The following GRIN2A variants were observed in gnomAD, a reference collection of about 807,000 sequenced individuals.
The protein encoded by GRIN2A is glutamate receptor ionotropic, NMDA 2A.
Under a neutral mutation model 113.4 loss-of-function variants are expected in GRIN2A, and 22 were observed. The observed-to-expected ratio is 0.19, with a 90% CI of 0.14 to 0.28. GRIN2A has a LOEUF of 0.28. Among genes scored for constraint, GRIN2A ranks in the 10% least tolerant of loss-of-function variants. The pLI, the probability that GRIN2A is intolerant of heterozygous loss-of-function variation, is 1.00. For synonymous variants in GRIN2A, 827 were observed against 738.4 expected (o/e 1.12, Z -1.94); for missense variants, 1,502 against 1,887.0 (o/e 0.80, Z 3.78).
chr16:9,980,637 C>G lies in GRIN2A; in HGVS notation c.415-42086G>C, dbSNP rs1017227736. Among the ~76,000 whole-genome samples the G allele has an allele frequency of 3.3e-5, 5 of 152,156 alleles. No homozygotes were observed. In the South Asian group the frequency reaches 1.0e-3, roughly 32 times the overall value. On this transcript the variant is annotated intron_variant, in intron 2 of 12. Transcript: ENST00000330684. ...ATTAAGAAAATGTGGCACATATACA[C>G]CATGGAATACTATGCAGCCATAAAA...
At chr16:10,078,784 AC>A (rs879717002) in intron 2 of GRIN2A, among the ~76,000 whole-genome samples, 3 of 151,818 alleles carry the variant, frequency 2.0e-5, no homozygotes, top group Non-Finnish European at 4.4e-5. Flanking sequence ...TGTCACCACT[AC>A]CCCCTCCGAA....
At chr16:9,781,659 G>C (rs1314232884) in intron 11 of GRIN2A, among the ~76,000 whole-genome samples, 1 of 151,914 alleles carries the variant, frequency 6.6e-6, no homozygotes, top group African/African-American at 2.4e-5. Context: ...CTGCACCCAG[G>C]GTTAACAAAC....
At chr16:9,813,223 C>G (rs2042120006) in intron 10 of GRIN2A, among the ~76,000 whole-genome samples, 1 of 152,166 alleles carries the variant, frequency 6.6e-6, no homozygotes. Flanking sequence ...TCACCTGGTC[C>G]TTAAATGTGG....
At chr16:10,000,687 TC>T (rs2046305186) in intron 2 of GRIN2A, among the ~76,000 whole-genome samples, 1 of 152,190 alleles carries the variant, frequency 6.6e-6, no homozygotes, top group Non-Finnish European at 1.5e-5. Context: ...CAAAGATTCT[TC>T]CCTATCCATC....
intron 2 of GRIN2A, among the ~76,000 whole-genome samples, chr16:10,116,673 G>A (rs1047491563): frequency 6.6e-6 from 1 of 152,118 alleles, no homozygotes; most frequent in African/African-American, 2.4e-5. Context: ...CAGCAGCAGG[G>A]AAATTCATGG....
At chr16:10,030,197 AT>A (rs1219770269) in intron 2 of GRIN2A, among the ~76,000 whole-genome samples, 1 of 150,828 alleles carries the variant, frequency 6.6e-6, no homozygotes, top group African/African-American at 2.4e-5. Context: ...TTAAAAAAAA[AT>A]CATTAAATGT....
At chr16:9,896,686 A>T (rs2043814117) in intron 3 of GRIN2A, among the ~76,000 whole-genome samples, 1 of 152,158 alleles carries the variant, frequency 6.6e-6, no homozygotes, top group African/African-American at 2.4e-5. Flanking sequence ...GAGGGGGGAA[A>T]AAAAAACCTC....
chr16:9,924,124 A>C (rs976993371), intron 3 of GRIN2A, among the ~76,000 whole-genome samples: 24 of 151,084 alleles, frequency 1.6e-4, no homozygotes, highest in African/African-American at 5.1e-4. Flanking sequence ...AAAAAAAAAA[A>C]AAAAAAAAAA....
At chr16:9,995,869 T>C (rs752035351) in intron 2 of GRIN2A, among the ~76,000 whole-genome samples, 1 of 151,448 alleles carries the variant, frequency 6.6e-6, no homozygotes, top group South Asian at 2.1e-4. Context: ...GGATCATCAA[T>C]GAGTCTAAGA....
intron 2 of GRIN2A, 22 bp downstream of exon 2, chr16:10,179,975 AG>A (rs2050226336): frequency 2.6e-6 from 4 of 1,552,422 alleles, no homozygotes; most frequent in Non-Finnish European, 3.5e-6. Flanking sequence ...AGGTCCTGGC[AG>A]GGCATCAGTT....
intron 2 of GRIN2A, among the ~76,000 whole-genome samples, chr16:10,162,931 G>A (rs991153494): frequency 5.9e-5 from 9 of 152,200 alleles, no homozygotes; most frequent in African/African-American, 1.9e-4. Context: ...GACTCTACAA[G>A]TAAACTAAGC....
intron 4 of GRIN2A, among the ~76,000 whole-genome samples, chr16:9,870,627 TC>T (rs1406827475): frequency 6.6e-6 from 1 of 151,006 alleles, no homozygotes; most frequent in East Asian, 1.9e-4. Context: ...TAACTTTTTT[TC>T]TTTTTTTTTT....
Position 9,763,581 on chromosome 16 carries a change from C to G in GRIN2A, c.3963G>C (p.Glu1321Asp), listed in dbSNP as rs2141127998. 1 of 1,613,840 alleles carries G rather than the reference C, an allele frequency of 6.2e-7. No individual in the cohort carries two copies. The highest frequency in any genetic ancestry group is 8.5e-7 in the Non-Finnish European group (1 of 1,180,004). ...TAAACAGGCTGCCGTAAAAATTTCC[C>G]TCCAGAAGCCGTTCCCTGTCCTTGA... ...ISLKDRERLLEGNFYGSLFSV... is the reference protein window; with the variant it reads ...ISLKDRERLLDGNFYGSLFSV... Residue 1321 changes from glutamate (E) to aspartate (D), a missense_variant, in exon 13 of 13, where the codon GAG (glutamate) becomes GAC (aspartate). Glu to Asp is a conservative substitution (Grantham distance 45). This residue lies in a region of GRIN2A where 832 missense variants were observed against 789.7 expected (regional missense o/e 1.05). Transcript: ENST00000330684.
chr16:9,798,771 G>T (rs1903166299), intron 10 of GRIN2A, among the ~76,000 whole-genome samples: 1 of 152,224 alleles, frequency 6.6e-6, no homozygotes. Flanking sequence ...AGTGGTGGAG[G>T]ACAGTGCCCT....
At chr16:9,979,572 A>C (rs527720388) in intron 2 of GRIN2A, among the ~76,000 whole-genome samples, 9 of 151,806 alleles carry the variant, frequency 5.9e-5, no homozygotes, top group East Asian at 1.9e-4. Flanking sequence ...TCTGCTTATT[A>C]CCTCCCCCAT....
intron 4 of GRIN2A, among the ~76,000 whole-genome samples, chr16:9,859,543 G>A (rs9927584): frequency 0.044 from 6,656 of 149,782 alleles, 473 homozygotes; most frequent in African/African-American, 0.15. Context: ...AATCACATAC[G>A]CTCACACCCA....
At chr16:9,931,246 C>G (rs2044586883) in intron 3 of GRIN2A, among the ~76,000 whole-genome samples, 1 of 152,182 alleles carries the variant, frequency 6.6e-6, no homozygotes, top group South Asian at 2.1e-4. Flanking sequence ...CTGAAATGCA[C>G]TTCCATTGCT....
intron 4 of GRIN2A, among the ~76,000 whole-genome samples, chr16:9,860,445 C>CAAAAAAAAAAAAAAA (rs35715098): frequency 1.2e-4 from 7 of 57,950 alleles, no homozygotes; most frequent in African/African-American, 3.1e-4. Context: ...AAGAGTCTCT[C>CAAAAAAAAAAAAAAA]AAAAAAAAAA....
chr16:10,160,787 C>A (rs1347680766), intron 2 of GRIN2A, among the ~76,000 whole-genome samples: 1 of 152,220 alleles, frequency 6.6e-6, no homozygotes, highest in Admixed American at 6.5e-5. Context: ...TTAATTTGCT[C>A]TTCCTCCTTC....
Sources: allele counts gnomAD v4.1 joint callset (sites outside exome capture counted in the v4.1 genomes callset), GRCh38; gene constraint gnomAD v4.1.1; regional missense constraint gnomAD v4.1.1; transcripts MANE v1.5; gene names NCBI Gene and HGNC (gene_info 2026-07-23, HGNC 2026-07-21).